MAN1A1: variants seen among roughly 807,000 people sequenced by gnomAD.
MAN1A1 encodes mannosidase alpha class 1A member 1.
A neutral mutation model predicts 70.8 loss-of-function variants in MAN1A1; 29 were observed. The observed-to-expected ratio is 0.41, with a 90% CI of 0.31 to 0.56. MAN1A1 has a LOEUF of 0.56. Among genes scored for constraint, MAN1A1 ranks in the 20% least tolerant of loss-of-function variants. The pLI is 0.29. For synonymous variants in MAN1A1, 349 were observed against 330.1 expected (o/e 1.06, Z -0.62); for missense variants, 747 against 841.3 (o/e 0.89, Z 1.39).
chr6:119,292,137 T>G (rs905532007), intron 4 of MAN1A1, among the ~76,000 whole-genome samples: 19 of 152,162 alleles, frequency 1.2e-4, no homozygotes, highest in Middle Eastern at 6.8e-3. Flanking sequence ...GTCATATAAT[T>G]AGTAATTACT....
intron 6 of MAN1A1, among the ~76,000 whole-genome samples, chr6:119,218,874 T>G (rs1037952462): frequency 2.0e-4 from 27 of 138,360 alleles, no homozygotes; most frequent in South Asian, 2.2e-4. Context: ...TAATTATCTG[T>G]TTTTTTTTTA....
chr6:119,188,604 G>A, intron 10 of MAN1A1, 27 bp from the exon 11 acceptor site: 1 of 1,601,036 alleles, frequency 6.2e-7, no homozygotes, highest in Non-Finnish European at 8.5e-7. Flanking sequence ...GAATGAATAA[G>A]GGTTATTTTC....
At chr6:119,316,578 A>C (rs1562239774) in intron 2 of MAN1A1, among the ~76,000 whole-genome samples, 1 of 152,150 alleles carries the variant, frequency 6.6e-6, no homozygotes, top group African/African-American at 2.4e-5. Flanking sequence ...GTCTAATCTC[A>C]AAAGTTTTTT....
At chr6:119,228,376 G>A (rs1019395181) in intron 6 of MAN1A1, among the ~76,000 whole-genome samples, 53 of 152,106 alleles carry the variant, frequency 3.5e-4, no homozygotes, top group Non-Finnish European at 8.8e-5. Context: ...TGGTATTATT[G>A]ACTTAGGGTT....
intron 6 of MAN1A1, among the ~76,000 whole-genome samples, chr6:119,244,547 T>A (rs1424451651): frequency 1.3e-5 from 2 of 151,828 alleles, no homozygotes; most frequent in Non-Finnish European, 2.9e-5. Context: ...ACAATTAAAA[T>A]TTTTTTTTCT....
At chr6:119,338,492 A>G (rs1196833443) in intron 2 of MAN1A1, among the ~76,000 whole-genome samples, 3 of 152,254 alleles carry the variant, frequency 2.0e-5, no homozygotes, top group African/African-American at 7.2e-5. Flanking sequence ...AAATATTTCT[A>G]GGAAATCTCA....
chr6:119,228,705 A>G (rs1025580029), intron 6 of MAN1A1, among the ~76,000 whole-genome samples: 2 of 152,150 alleles, frequency 1.3e-5, no homozygotes, highest in African/African-American at 4.8e-5. Context: ...AAATGTTAGA[A>G]TTTTTCTAAA....
In MAN1A1 at chr6:119,201,343, A is replaced by T. The variant is rs375299739; in HGVS notation, c.1121T>A (p.Met374Lys). The change falls in exon 8 of 13, where the codon ATG becomes AAG. Residue 374 changes from methionine to lysine, a missense_variant. Transcript: ENST00000368468. ...TTTGTTCAGTACTGTTCGAATATTC[A>T]TTACCTATAATAGAAAATAAAATGT... ...SGNPIFAEKV[M>K]NIRTVLNKLE... 61 of 1,594,098 alleles carry T rather than the reference A, an allele frequency of 3.8e-5. No individual in the cohort carries two copies. In the African/African-American group the frequency reaches 6.7e-4, roughly 18 times the overall value.
chr6:119,348,847 C>A lies in MAN1A1; in HGVS notation c.219G>T (p.Leu73=). Residue 73 remains leucine (L), a synonymous_variant, in exon 2 of 13, where the codon CTG becomes CTT. Transcript: ENST00000368468. ...PDSSKLLSGV[L]FHSSPALQPA... ...GCTGCAAGGCGGGGCTGGAGTGGAA[C>A]AGGACCCCGCTGAGCAGCTTGGAGG... The A allele has an allele frequency of 3.3e-6, 5 of 1,517,162 alleles. No homozygotes were observed. Among genetic ancestry groups the A allele is most frequent in the Non-Finnish European group, 4.4e-6 (5 of 1,134,094 alleles). The allele number at this position is 1,517,162 out of a possible 1,614,324, so 94.0% of individuals were successfully genotyped here. A position where few individuals can be genotyped will look rare whatever the true frequency, so the allele number is the denominator to read the frequency against.
chr6:119,343,615 A>G (rs990534136), intron 2 of MAN1A1, among the ~76,000 whole-genome samples: 2 of 152,196 alleles, frequency 1.3e-5, no homozygotes, highest in African/African-American at 4.8e-5. Flanking sequence ...CTAGGCTAAG[A>G]ATACTGAGGG....
intron 5 of MAN1A1, among the ~76,000 whole-genome samples, chr6:119,257,591 T>A (rs1469383591): frequency 6.6e-6 from 1 of 152,186 alleles, no homozygotes; most frequent in Non-Finnish European, 1.5e-5. Context: ...AAAAAAATTT[T>A]CCTCAAGAAG....
chr6:119,338,859 T>A (rs1015321331), intron 2 of MAN1A1, among the ~76,000 whole-genome samples: 3 of 152,184 alleles, frequency 2.0e-5, no homozygotes, highest in African/African-American at 7.2e-5. Context: ...GGGAAAAATT[T>A]TTTTTCTTGC....
At chr6:119,187,907 CAAGA>C (rs1773335381) in intron 11 of MAN1A1, among the ~76,000 whole-genome samples, 1 of 152,136 alleles carries the variant, frequency 6.6e-6, no homozygotes, top group Admixed American at 6.5e-5. Context: ...ATAGATATTC[CAAGA>C]AACCTGAGAC....
At chr6:119,304,984 TA>T (rs1313327298) in intron 3 of MAN1A1, among the ~76,000 whole-genome samples, 1 of 152,302 alleles carries the variant, frequency 6.6e-6, no homozygotes, top group East Asian at 1.9e-4. Flanking sequence ...TATGTCTTTG[TA>T]ACAAGTTCCA....
At chr6:119,328,610 A>C (rs1390659866) in intron 2 of MAN1A1, among the ~76,000 whole-genome samples, 1 of 152,244 alleles carries the variant, frequency 6.6e-6, no homozygotes, top group Admixed American at 6.5e-5. Context: ...GGAATGAATA[A>C]GATTTAAATT....
chr6:119,318,737 T>C (rs1772921792), intron 2 of MAN1A1, among the ~76,000 whole-genome samples: 1 of 152,172 alleles, frequency 6.6e-6, no homozygotes, highest in Non-Finnish European at 1.5e-5. Flanking sequence ...GGGAAAAAGT[T>C]ACCTGACATA....
At position 119,222,228 on chromosome 6, in the gene MAN1A1, C is replaced by T. The variant is rs57760251; in HGVS notation, c.993-17346G>A. On this transcript the variant is annotated intron_variant, in intron 6 of 12. Coordinates refer to ENST00000368468, the MANE Select transcript of MAN1A1 (RefSeq NM_005907.4). The stretch of plus-strand genomic sequence containing the variant: ...ATATTATATTTTGGCTAATATAAAA[C>T]GTATTACGGATAATACTTTTTAGCT... 7.2e-3 allele frequency among the ~76,000 whole-genome samples: 1,092 copies of T among 150,834 alleles called. 32 individuals carry two copies. The East Asian group carries it at 0.091, about 13-fold the overall frequency.
intron 4 of MAN1A1, among the ~76,000 whole-genome samples, chr6:119,300,744 A>C (rs1486857777): frequency 6.6e-6 from 1 of 152,164 alleles, no homozygotes; most frequent in Non-Finnish European, 1.5e-5. Context: ...AGGGTTTAAC[A>C]CATTGATCCC....
intron 4 of MAN1A1, among the ~76,000 whole-genome samples, chr6:119,297,735 C>CTTTTTTT (rs386408421): frequency 9.4e-5 from 9 of 95,680 alleles, no homozygotes; most frequent in Admixed American, 1.4e-4. Flanking sequence ...AAATAGTTTC[C>CTTTTTTT]TTTTTTTTTT....
Sources: allele counts gnomAD v4.1 joint callset (sites outside exome capture counted in the v4.1 genomes callset), GRCh38; gene constraint gnomAD v4.1.1; transcripts MANE v1.5; gene names NCBI Gene and HGNC (gene_info 2026-07-23, HGNC 2026-07-21).